The following SLA variants were observed in gnomAD, a reference collection of about 807,000 sequenced individuals.
SLA encodes the protein src-like-adapter.
A neutral mutation model predicts 30.3 loss-of-function variants in SLA; 16 were observed. That is an observed-to-expected ratio of 0.53 (90% CI 0.36 to 0.80). The LOEUF is 0.80. Among genes scored for constraint, SLA ranks in the 30% least tolerant of loss-of-function variants. The pLI is 0.01. For missense variants in SLA, 310 were observed against 345.2 expected, an observed-to-expected ratio of 0.90 and a Z score of 0.81; for synonymous variants, 143 against 137.8, an observed-to-expected ratio of 1.04 and a Z score of -0.26.
At position 133,058,853 on chromosome 8, in the gene SLA, T is replaced by A. The variant is rs568418686; in HGVS notation, c.61+1247A>T. Among the ~76,000 whole-genome samples the A allele has an allele frequency of 4.6e-4, 70 of 152,346 alleles. 1 individual carries two copies. The highest frequency in any genetic ancestry group is 1.4e-3 in the Admixed American group (22 of 15,300). On this transcript the variant is annotated intron_variant, in intron 3 of 8. Transcript: ENST00000338087. ...TTTGTTTATCCCTCTTGCATTTGGCTTGAGAAGGAGAGTTACTTCACTAGA... is the reference window on the plus strand; with the variant it reads ...TTTGTTTATCCCTCTTGCATTTGGCATGAGAAGGAGAGTTACTTCACTAGA...
rs955304649 is a variant in SLA at position 133,085,703 on chromosome 8, T to C, written c.-318-10573A>G. On this transcript the variant is annotated intron_variant, in intron 1 of 8. Coordinates refer to ENST00000338087, the MANE Select transcript of SLA (RefSeq NM_001045556.3). ...TAGGATGCCTATAATAATAACAATT[T>C]TTAAAAACCAGATTGTAAGCATTAC... Among the ~76,000 whole-genome samples, 15 of 152,342 alleles carry C rather than the reference T, an allele frequency of 9.8e-5. 1 individual carries two copies. Among genetic ancestry groups the C allele is most frequent in the Admixed American group, 5.9e-4 (9 of 15,304 alleles).
intron 1 of SLA, among the ~76,000 whole-genome samples, chr8:133,094,401 T>C (rs1848100055): frequency 1.3e-5 from 2 of 151,832 alleles, no homozygotes. Flanking sequence ...TCACCACGCC[T>C]GGCTAGTTTT....
chr8:133,071,176 G>A (rs1390985155), intron 2 of SLA, among the ~76,000 whole-genome samples: 1 of 152,224 alleles, frequency 6.6e-6, no homozygotes, highest in Non-Finnish European at 1.5e-5. Flanking sequence ...GCGTATTGAG[G>A]AATTGTGTGT....
In SLA at chr8:133,083,524, A is replaced by T. The variant is rs538795110; in HGVS notation, c.-318-8394T>A. 5.9e-5 allele frequency among the ~76,000 whole-genome samples: 9 copies of T among 152,168 alleles called. No individual in the cohort carries two copies. The South Asian group carries it at 1.9e-3, about 32-fold the overall frequency. The stretch of plus-strand genomic sequence containing the variant: ...GTTGGACTTGAATCTGGGCTGATGG[A>T]CCCCATGGCCTATGCTCTTGATGCC... On this transcript the variant is annotated intron_variant, in intron 1 of 8. Coordinates refer to ENST00000338087, the MANE Select transcript of SLA (RefSeq NM_001045556.3).
intron 3 of SLA, among the ~76,000 whole-genome samples, chr8:133,053,006 A>G (rs147995705): frequency 4.9e-4 from 75 of 152,270 alleles, no homozygotes; most frequent in African/African-American, 1.8e-3. Context: ...TTAACATGGC[A>G]CTGTGCTGCC....
chr8:133,097,433 A>T (rs781743717), intron 1 of SLA, among the ~76,000 whole-genome samples: 1 of 152,188 alleles, frequency 6.6e-6, no homozygotes, highest in African/African-American at 2.4e-5. Flanking sequence ...ATTAACAGGG[A>T]AATGGTTGAC....
At chr8:133,063,202 AC>A (rs1157221879) in intron 2 of SLA, among the ~76,000 whole-genome samples, 2 of 151,836 alleles carry the variant, frequency 1.3e-5, no homozygotes, top group African/African-American at 4.9e-5. Flanking sequence ...GTCATTCAAC[AC>A]CTAGTGATTG....
intron 2 of SLA, among the ~76,000 whole-genome samples, chr8:133,070,985 A>G (rs872285): frequency 0.038 from 5,722 of 152,308 alleles, 265 homozygotes; most frequent in African/African-American, 0.11. Context: ...CTGTCTTTAG[A>G]ACCCACAGTG....
At chr8:133,077,484 G>A (rs556913474) in intron 1 of SLA, among the ~76,000 whole-genome samples, 21 of 152,212 alleles carry the variant, frequency 1.4e-4, no homozygotes, top group Non-Finnish European at 2.2e-4. Context: ...TGGAGTAACC[G>A]AGGAAACTTA....
intron 1 of SLA, among the ~76,000 whole-genome samples, chr8:133,077,735 ATG>A (rs34749093): frequency 0.045 from 6,676 of 148,074 alleles, 369 homozygotes; most frequent in African/African-American, 0.14. Context: ...TCTGGTGTGT[ATG>A]TGTGTGTGTG....
At chr8:133,083,427 T>C (rs1408755630) in intron 1 of SLA, among the ~76,000 whole-genome samples, 1 of 152,230 alleles carries the variant, frequency 6.6e-6, no homozygotes, top group East Asian at 1.9e-4. Context: ...ATCCCTATTT[T>C]ACATTAGGGG....
chr8:133,061,824 A>C (rs1842410257), intron 2 of SLA, among the ~76,000 whole-genome samples: 1 of 152,184 alleles, frequency 6.6e-6, no homozygotes, highest in Non-Finnish European at 1.5e-5. Flanking sequence ...ACACTCTCAG[A>C]GCAAGGCCCT....
chr8:133,082,306 A>T (rs1845870276), intron 1 of SLA, among the ~76,000 whole-genome samples: 1 of 152,200 alleles, frequency 6.6e-6, no homozygotes, highest in Admixed American at 6.5e-5. Flanking sequence ...TAGCTTTGGC[A>T]CTTTGCATGA....
In SLA at chr8:133,102,552, C is replaced by G; in HGVS notation, c.-319+1G>C. 3.9e-6 allele frequency: 6 copies of G among 1,551,652 alleles called. No homozygotes were observed. The highest frequency in any genetic ancestry group is 5.2e-6 in the Non-Finnish European group (6 of 1,146,900). ...CAATGACAGCAAAGTTAGCAACCTA[C>G]CGGTGGAGCATCAGGGCTGCCTGAG... On this transcript the variant is annotated splice_donor_variant, in intron 1 of 8. Transcript: ENST00000338087. LOFTEE classifies it low-confidence loss of function (5UTR_SPLICE).
At chr8:133,063,721 T>C (rs556407431) in intron 2 of SLA, 1 of 152,316 alleles carries the variant, frequency 6.6e-6, no homozygotes, top group East Asian at 1.9e-4. Flanking sequence ...GAAGGTGCTG[T>C]GTCCGGGCTA....
intron 2 of SLA, among the ~76,000 whole-genome samples, chr8:133,062,451 G>A (rs1021833957): frequency 1.3e-5 from 2 of 152,256 alleles, no homozygotes; most frequent in Admixed American, 6.5e-5. Context: ...CCGCAGTTCA[G>A]CAGACACTTC....
chr8:133,043,457 G>T (rs1348113970), intron 7 of SLA, among the ~76,000 whole-genome samples: 3 of 152,204 alleles, frequency 2.0e-5, no homozygotes, highest in Non-Finnish European at 4.4e-5. Flanking sequence ...TGGCTGCTAA[G>T]TTTTCGGATA....
intron 2 of SLA, chr8:133,063,526 A>C (rs1172638278): frequency 1.3e-5 from 2 of 152,164 alleles, no homozygotes; most frequent in African/African-American, 4.8e-5. Flanking sequence ...AAAGCCTTTA[A>C]ACTTGCATTG....
rs1837449953 is a variant in SLA at position 133,038,281 on chromosome 8, A to G, written c.*243T>C. The G allele has an allele frequency of 1.8e-6, 1 of 549,218 alleles. No homozygotes were observed. Among genetic ancestry groups the G allele is most frequent in the Non-Finnish European group, 3.3e-6 (1 of 305,598 alleles). The allele number at this position is 549,218 out of a possible 1,614,324, so 34.0% of individuals were successfully genotyped here. ...ACATACATGCTGGGCTCTTCCAAGC[A>G]TCGCCCGACATGTCATGATCCAATG... On this transcript the variant is annotated 3_prime_UTR_variant, in exon 9 of 9. Coordinates refer to ENST00000338087, the MANE Select transcript of SLA (RefSeq NM_001045556.3).
Sources: allele counts gnomAD v4.1 joint callset (sites outside exome capture counted in the v4.1 genomes callset), GRCh38; gene constraint gnomAD v4.1.1; transcripts MANE v1.5; gene names NCBI Gene and HGNC (gene_info 2026-07-23, HGNC 2026-07-21).